Variants in SUGP1 observed in about 807,000 individuals in gnomAD.
The protein encoded by SUGP1 is SURP and G-patch domain-containing protein 1.
SUGP1 carries 34 observed loss-of-function variants against 76.5 expected under a neutral mutation model. The ratio of observed to expected loss-of-function variants is 0.44; its 90% CI spans 0.34 to 0.59. The LOEUF (loss-of-function observed/expected upper bound fraction) is 0.59, where lower values mean the gene tolerates loss of function less well. Ranked by LOEUF, SUGP1 falls within the 20% of genes least tolerant of loss-of-function variation. The probability of loss-of-function intolerance (pLI) is 0.01; values close to 1 mark genes in which losing one functional copy is unlikely to be tolerated. For missense variants in SUGP1, 752 were observed against 851.7 expected (o/e 0.88, Z 1.46); for synonymous variants, 326 against 326.2 (o/e 1.00, Z 0.01).
chr19:19,282,170 GA>G lies in SUGP1; in HGVS notation c.1244-1880del, dbSNP rs1317608299. Among the ~76,000 whole-genome samples, 38 of 152,154 alleles carry G rather than the reference GA, an allele frequency of 2.5e-4. No individual in the cohort carries two copies. In the South Asian group the frequency reaches 3.3e-3, roughly 13 times the overall value. ...AATTTTTGTATTTTTAGTAGAGACG[GA>G]GTTTCACCATATTAGTCAGGCTGGT... On this transcript the variant is annotated intron_variant, in intron 8 of 13. Transcript: ENST00000247001.
chr19:19,318,424 TTTTTG>T (rs922181896), intron 1 of SUGP1, among the ~76,000 whole-genome samples: 3 of 151,814 alleles, frequency 2.0e-5, no homozygotes, highest in African/African-American at 4.8e-5. Flanking sequence ...CCAGCCGTTT[TTTTTG>T]TTTTGTTTTG....
intron 8 of SUGP1, chr19:19,281,290 T>G (rs1361151109): frequency 6.6e-6 from 1 of 152,252 alleles, no homozygotes; most frequent in Non-Finnish European, 1.5e-5. Context: ...TCTGTCCAAC[T>G]AAGCCACAGG....
chr19:19,311,340 T>C (rs934611909), intron 2 of SUGP1, among the ~76,000 whole-genome samples: 5 of 143,120 alleles, frequency 3.5e-5, no homozygotes, highest in African/African-American at 1.3e-4. Flanking sequence ...AACATATACT[T>C]TGCAAAAAAA....
chr19:19,297,155 A>T lies in SUGP1; in HGVS notation c.1077T>A (p.Pro359=). The T allele has an allele frequency of 6.2e-7, 1 of 1,613,300 alleles. No individual in the cohort carries two copies. Among genetic ancestry groups the T allele is most frequent in the Non-Finnish European group, 8.5e-7 (1 of 1,179,380 alleles). Reference sequence around the variant, plus strand: ...CTGGAGCAGGGATGATAGTGGGCGCAGGCGTGGACGAGGCGGGGCAGGTGG... The same window carrying T: ...CTGGAGCAGGGATGATAGTGGGCGCTGGCGTGGACGAGGCGGGGCAGGTGG... ...PATTCPASST[P]APTIIPAPAA... The change falls in exon 8 of 14, where the codon CCT becomes CCA. Residue 359 remains proline, a synonymous_variant. Transcript: ENST00000247001.
intron 2 of SUGP1, 88 bp downstream of exon 2, chr19:19,316,334 T>C: frequency 1.3e-6 from 2 of 1,515,494 alleles, no homozygotes; most frequent in Non-Finnish European, 1.8e-6. Flanking sequence ...TGCAAGCACA[T>C]GCTGACTGCC....
At chr19:19,299,539 A>ATTTTTT (rs36109106) in intron 7 of SUGP1, among the ~76,000 whole-genome samples, 2 of 141,794 alleles carry the variant, frequency 1.4e-5, no homozygotes, top group Non-Finnish European at 1.5e-5. Context: ...CACCCGGCTA[A>ATTTTTT]TTTTTTTTTT....
At chr19:19,320,382 C>A in intron 1 of SUGP1, 81 bp downstream of exon 1, 2 of 1,486,648 alleles carry the variant, frequency 1.3e-6, no homozygotes, top group Non-Finnish European at 9.1e-7. Context: ...CGGGTCGCAG[C>A]AGGACGGACC....
intron 8 of SUGP1, among the ~76,000 whole-genome samples, chr19:19,288,841 A>G (rs1019295869): frequency 6.6e-6 from 1 of 151,854 alleles, no homozygotes; most frequent in Admixed American, 6.6e-5. Context: ...GCTGGAGTGC[A>G]GTGGCGCGAT....
chr19:19,312,823 T>C (rs532736592), intron 2 of SUGP1, among the ~76,000 whole-genome samples: 2 of 150,950 alleles, frequency 1.3e-5, no homozygotes, highest in African/African-American at 4.9e-5. Context: ...CCGTCTCTAC[T>C]AAAAATTAAA....
At chr19:19,308,614 T>C (rs1036890338) in intron 3 of SUGP1, among the ~76,000 whole-genome samples, 5 of 152,244 alleles carry the variant, frequency 3.3e-5, no homozygotes, top group African/African-American at 9.6e-5. Flanking sequence ...AACCTATTGT[T>C]CTCTGATGCA....
At position 19,302,316 on chromosome 19, in the gene SUGP1, G is replaced by A. The variant is rs2061278256; in HGVS notation, c.836C>T (p.Pro279Leu). 1 of 1,613,978 alleles carries A rather than the reference G, an allele frequency of 6.2e-7. No individual in the cohort carries two copies. The highest frequency in any genetic ancestry group is 8.5e-7 in the Non-Finnish European group (1 of 1,180,000). The change falls in exon 7 of 14, where the codon CCC (proline) becomes CTC (leucine). Residue 279 changes from proline (P) to leucine (L), a missense_variant. Physicochemically the swap from Pro to Leu is moderately conservative, Grantham distance 98. Around this residue, in one of 2 missense-constraint regions of SUGP1, gnomAD observed 620 missense variants for 617.3 expected, o/e 1.00. Transcript: ENST00000247001. ...KLARFIADGGPEVETIALQNN... is the reference protein window; with the variant it reads ...KLARFIADGGLEVETIALQNN... ...CTGGAGGGCAATGGTTTCCACCTCG[G>A]GACCCCCGTCCGCTATGAACCTGGC...
At position 19,310,190 on chromosome 19, in the gene SUGP1, C is replaced by T. The variant is rs2061343914; in HGVS notation, c.217G>A (p.Ala73Thr). Reference protein sequence around the residue: ...QPPHPGEITNAHNSSCISNKF... With the variant: ...QPPHPGEITNTHNSSCISNKF... ...TTGGAAATGCAGGAAGAGTTGTGTGCATTTGTGATTCTAGAACCAAGACAG... is the reference window on the plus strand; with the variant it reads ...TTGGAAATGCAGGAAGAGTTGTGTGTATTTGTGATTCTAGAACCAAGACAG... The change falls in exon 3 of 14, where the codon GCA becomes ACA. Residue 73 changes from alanine to threonine, a missense_variant. Ala to Thr is a moderately conservative substitution (Grantham distance 58, BLOSUM62 0). Coordinates refer to ENST00000247001, the MANE Select transcript of SUGP1 (RefSeq NM_172231.4). The T allele has an allele frequency of 6.2e-7, 1 of 1,613,136 alleles. No homozygotes were observed. Among genetic ancestry groups the T allele is most frequent in the Non-Finnish European group, 8.5e-7 (1 of 1,179,388 alleles).
chr19:19,300,817 C>T (rs1794584516), intron 7 of SUGP1, among the ~76,000 whole-genome samples: 1 of 152,156 alleles, frequency 6.6e-6, no homozygotes, highest in South Asian at 2.1e-4. Flanking sequence ...AGCAACACCC[C>T]AGAACAGAAA....
chr19:19,318,572 G>A (rs1471451418), intron 1 of SUGP1, among the ~76,000 whole-genome samples: 1 of 152,124 alleles, frequency 6.6e-6, no homozygotes, highest in African/African-American at 2.4e-5. Flanking sequence ...AGGACTACAG[G>A]CACACTCTAC....
intron 8 of SUGP1, among the ~76,000 whole-genome samples, 183 bp downstream of exon 8, chr19:19,296,806 A>G (rs1190579144): frequency 6.6e-6 from 1 of 152,240 alleles, no homozygotes. Flanking sequence ...CTCTGTGAAT[A>G]TAAGAGTTCA....
intron 8 of SUGP1, among the ~76,000 whole-genome samples, chr19:19,287,968 C>T (rs986526851): frequency 7.9e-5 from 12 of 152,186 alleles, no homozygotes; most frequent in African/African-American, 2.9e-4. Flanking sequence ...TCCTCCTTAG[C>T]TGTTCAACAC....
chr19:19,279,179 A>AG, intron 10 of SUGP1, 34 bp downstream of exon 10: 4 of 1,532,234 alleles, frequency 2.6e-6, no homozygotes, highest in African/African-American at 1.4e-5. Flanking sequence ...GGCCATGCCC[A>AG]GCCCAGCCCG....
chr19:19,307,425 T>G (rs759898555), intron 3 of SUGP1, among the ~76,000 whole-genome samples: 6 of 151,990 alleles, frequency 3.9e-5, no homozygotes, highest in Non-Finnish European at 7.4e-5. Context: ...CTTACAGAAC[T>G]CAATGAGATT....
chr19:19,279,229 C>T lies in SUGP1; in HGVS notation c.1512G>A (p.Glu504=). 6.6e-7 allele frequency: 1 copy of T among 1,508,566 alleles called. No homozygotes were observed. Among genetic ancestry groups the T allele is most frequent in the Non-Finnish European group, 9.0e-7 (1 of 1,111,848 alleles). 93.4% of individuals were successfully genotyped at this position (1,508,566 alleles called of 1,614,324 possible). A position where few individuals can be genotyped will look rare whatever the true frequency, so the allele number is the denominator to read the frequency against. Residue 504 remains glutamate, a synonymous_variant, in exon 10 of 14, where the codon GAG becomes GAA. Transcript: ENST00000247001. The stretch of plus-strand genomic sequence containing the variant: ...CCCACATACCCCTGGTCTTATCCAT[C>T]TCCATGCGCCGCAGCTGGTGCTCCC... The part of the protein sequence containing the change: ...GTWEHQLRRM[E]MDKTREWAEQ...
Sources: gnomAD v4.1 joint callset for allele counts (sites outside exome capture counted in the v4.1 genomes callset) on GRCh38, gnomAD v4.1.1 for gene constraint, gnomAD v4.1.1 regional missense constraint, MANE v1.5 for transcripts, NCBI Gene and HGNC (gene_info 2026-07-23, HGNC 2026-07-21) for gene names.